LAMB4: variants seen among roughly 807,000 people sequenced by gnomAD.
LAMB4 encodes the protein laminin subunit beta 4, also known as laminin subunit beta-4.
In LAMB4, 196 loss-of-function variants were observed where a neutral mutation model predicts 199.2. The ratio of observed to expected loss-of-function variants is 0.98; its 90% CI spans 0.88 to 1.11. LAMB4 has a LOEUF of 1.11. Among genes scored for constraint, LAMB4 ranks in the 50% least tolerant of loss-of-function variants. The probability of loss-of-function intolerance (pLI) is 0.00; values close to 1 mark genes in which losing one functional copy is unlikely to be tolerated. For synonymous variants in LAMB4, 744 were observed against 770.6 expected, an observed-to-expected ratio of 0.97 and a Z score of 0.57; for missense variants, 2,080 against 2,171.2, an observed-to-expected ratio of 0.96 and a Z score of 0.83.
At chr7:108,081,689 C>A (rs1359088243) in intron 14 of LAMB4, among the ~76,000 whole-genome samples, 1 of 152,104 alleles carries the variant, frequency 6.6e-6, no homozygotes, top group Non-Finnish European at 1.5e-5. Context: ...CACTGATGAT[C>A]CCTGGCATGA....
chr7:108,085,603 T>A (rs111910090), intron 14 of LAMB4, among the ~76,000 whole-genome samples: 11 of 152,216 alleles, frequency 7.2e-5, no homozygotes, highest in African/African-American at 2.6e-4. Flanking sequence ...GTTATTTTTT[T>A]ATTTTTATGT....
At chr7:108,048,718 A>G (rs576502849) in intron 27 of LAMB4, among the ~76,000 whole-genome samples, 2 of 149,044 alleles carry the variant, frequency 1.3e-5, no homozygotes, top group South Asian at 4.2e-4. Context: ...TATTGAGATG[A>G]GTCTCGCTCT....
At chr7:108,084,602 T>C (rs1249751452) in intron 14 of LAMB4, among the ~76,000 whole-genome samples, 1 of 152,066 alleles carries the variant, frequency 6.6e-6, no homozygotes, top group Non-Finnish European at 1.5e-5. Context: ...AGAATTCTGG[T>C]GGACCTACTA....
At chr7:108,103,605 T>G (rs113153846) in intron 9 of LAMB4, among the ~76,000 whole-genome samples, 53 of 152,322 alleles carry the variant, frequency 3.5e-4, no homozygotes, top group African/African-American at 1.2e-3. Flanking sequence ...ACATGAAATA[T>G]TCTGCATGCT....
chr7:108,035,889 T>A (rs1399245348), intron 30 of LAMB4, among the ~76,000 whole-genome samples: 2 of 151,814 alleles, frequency 1.3e-5, no homozygotes, highest in Non-Finnish European at 2.9e-5. Flanking sequence ...GTCTCGCTCT[T>A]GTTGCCCAGG....
At chr7:108,120,432 C>G (rs554212527) in intron 2 of LAMB4, among the ~76,000 whole-genome samples, 9 of 152,296 alleles carry the variant, frequency 5.9e-5, no homozygotes, top group African/African-American at 2.2e-4. Flanking sequence ...TACTAAATGA[C>G]ACTTTGAACA....
intron 12 of LAMB4, 127 bp downstream of exon 12, chr7:108,095,101 C>G: frequency 3.0e-6 from 2 of 664,168 alleles, no homozygotes; most frequent in South Asian, 3.7e-5. Context: ...AGTGTAAATA[C>G]TCATACCACT....
intron 29 of LAMB4, among the ~76,000 whole-genome samples, chr7:108,040,878 A>C (rs186576997): frequency 7.9e-5 from 12 of 152,338 alleles, no homozygotes; most frequent in African/African-American, 2.9e-4. Flanking sequence ...AGACACCACA[A>C]GCGACTACAA....
At chr7:108,057,063 T>C (rs2036008077) in intron 24 of LAMB4, among the ~76,000 whole-genome samples, 1 of 151,788 alleles carries the variant, frequency 6.6e-6, no homozygotes, top group African/African-American at 2.4e-5. Context: ...GCTCTTCAGC[T>C]AGTTCATCTG....
At chr7:108,013,522 G>A in the LAMB4 span, among the ~76,000 whole-genome samples, 1 of 152,126 alleles carries the variant, frequency 6.6e-6, no homozygotes, top group Non-Finnish European at 1.5e-5. Flanking sequence ...AATGCAGAAA[G>A]CATCATGCCC....
intron 15 of LAMB4, among the ~76,000 whole-genome samples, chr7:108,079,150 G>C (rs2036826146): frequency 6.6e-6 from 1 of 152,168 alleles, no homozygotes; most frequent in African/African-American, 2.4e-5. Flanking sequence ...TCTACTAGTG[G>C]GAAACAAGAG....
intron 1 of LAMB4, among the ~76,000 whole-genome samples, chr7:108,126,790 G>C (rs1161094830): frequency 6.7e-6 from 1 of 150,346 alleles, no homozygotes; most frequent in African/African-American, 2.5e-5. Flanking sequence ...GGATGGTCTC[G>C]ATCTCCTGAC....
downstream of LAMB4, among the ~76,000 whole-genome samples, chr7:108,022,295 A>G (rs1203826710): frequency 1.3e-5 from 2 of 152,214 alleles, no homozygotes; most frequent in African/African-American, 2.4e-5. Context: ...TTAGTTACTT[A>G]GCTTCTTTGA....
chr7:108,104,753 C>G (rs921478247), intron 8 of LAMB4, 134 bp from the exon 9 acceptor site: 30 of 933,456 alleles, frequency 3.2e-5, no homozygotes, highest in Non-Finnish European at 4.5e-5. Context: ...ATTACAATAC[C>G]AACCTTGATT....
chr7:108,118,953 G>T (rs1344880462), intron 2 of LAMB4, among the ~76,000 whole-genome samples: 1 of 152,074 alleles, frequency 6.6e-6, no homozygotes, highest in Non-Finnish European at 1.5e-5. Flanking sequence ...CATTAAAAAA[G>T]CCAATCAAAT....
Position 108,023,946 on chromosome 7 carries a change from C to A in LAMB4, c.*93G>T. 1 of 1,058,290 alleles carries A rather than the reference C, an allele frequency of 9.4e-7. No homozygotes were observed. The highest frequency in any genetic ancestry group is 2.7e-5 in the East Asian group (1 of 37,654). 65.6% of individuals were successfully genotyped at this position (1,058,290 alleles called of 1,614,324 possible). On this transcript the variant is annotated 3_prime_UTR_variant, in exon 34 of 34. Coordinates refer to ENST00000388781, the MANE Select transcript of LAMB4 (RefSeq NM_007356.3). ...GGGTGTGGGGAAGGAAGGTAGAAGA[C>A]ATTGTCAGTATTTCACAGGTTCAAC...
At chr7:108,040,539 A>C (rs879506259) in intron 29 of LAMB4, among the ~76,000 whole-genome samples, 1 of 152,236 alleles carries the variant, frequency 6.6e-6, no homozygotes, top group Admixed American at 6.5e-5. Flanking sequence ...CCAAAACAGC[A>C]TGGTGCTAGT....
chr7:108,027,553 G>A (rs764457560), intron 33 of LAMB4, among the ~76,000 whole-genome samples: 15 of 152,228 alleles, frequency 9.9e-5, no homozygotes, highest in Non-Finnish European at 1.6e-4. Flanking sequence ...TAAAAAAGAG[G>A]CATCTATAAG....
At chr7:108,110,837 A>T (rs1333875926) in intron 4 of LAMB4, among the ~76,000 whole-genome samples, 1 of 152,216 alleles carries the variant, frequency 6.6e-6, no homozygotes, top group African/African-American at 2.4e-5. Context: ...ATCCAAAATG[A>T]AATGGCATTT....
Sources: gnomAD v4.1 joint callset for allele counts (sites outside exome capture counted in the v4.1 genomes callset) on GRCh38, gnomAD v4.1.1 for gene constraint, MANE v1.5 for transcripts, NCBI Gene and HGNC (gene_info 2026-07-23, HGNC 2026-07-21) for gene names.